PNOC: variants seen among roughly 807,000 people sequenced by gnomAD.
PNOC encodes nociceptin.
PNOC carries 10 observed loss-of-function variants against 15.6 expected under a neutral mutation model. The ratio of observed to expected loss-of-function variants is 0.64; its 90% CI spans 0.40 to 1.09. The LOEUF is 1.09. Ranked by LOEUF, PNOC falls within the 50% of genes least tolerant of loss-of-function variation. PNOC has a pLI of 0.01. For missense variants in PNOC, 220 were observed against 223.9 expected, an observed-to-expected ratio of 0.98 and a Z score of 0.11; for synonymous variants, 98 against 88.5, an observed-to-expected ratio of 1.11 and a Z score of -0.60.
chr8:28,338,877 A>C (rs1003476456), intron 2 of PNOC, 163 bp from the exon 3 acceptor site: 1 of 1,028,812 alleles, frequency 9.7e-7, no homozygotes, highest in East Asian at 2.7e-5. Flanking sequence ...CCAATTCTGA[A>C]ATTCTACGAA....
Position 28,339,127 on chromosome 8 carries a change from C to T in PNOC, c.214C>T (p.Leu72Phe). ...TKVMARSSWQ[L>F]SPAAPEHVAA... Reference sequence around the variant, plus strand: ...GGTCATGGCCAGGAGCTCTTGGCAGCTCAGCCCTGCCGCCCCAGAGCATGT... The same window carrying T: ...GGTCATGGCCAGGAGCTCTTGGCAGTTCAGCCCTGCCGCCCCAGAGCATGT... The change falls in exon 3 of 4, where the codon CTC becomes TTC. Residue 72 changes from leucine (L) to phenylalanine (F), a missense_variant. Transcript: ENST00000301908. 6.2e-7 allele frequency: 1 copy of T among 1,612,774 alleles called. No individual in the cohort carries two copies.
At chr8:28,321,582 CAA>C (rs2129845429) in intron 1 of PNOC, among the ~76,000 whole-genome samples, 1 of 152,240 alleles carries the variant, frequency 6.6e-6, no homozygotes, top group South Asian at 2.1e-4. Context: ...CAGGAAAGGA[CAA>C]ATATCTGGCC....
At chr8:28,337,374 A>C (rs1801428357) in intron 2 of PNOC, among the ~76,000 whole-genome samples, 1 of 152,106 alleles carries the variant, frequency 6.6e-6, no homozygotes. Flanking sequence ...ATGATAGCTC[A>C]CCGCAACCTC....
At chr8:28,321,129 C>A (rs1188572765) in intron 1 of PNOC, among the ~76,000 whole-genome samples, 1 of 151,982 alleles carries the variant, frequency 6.6e-6, no homozygotes, top group African/African-American at 2.4e-5. Flanking sequence ...GACTCAACCT[C>A]CTGGGCCCAA....
At chr8:28,337,926 C>T (rs947732762) in intron 2 of PNOC, among the ~76,000 whole-genome samples, 5 of 152,158 alleles carry the variant, frequency 3.3e-5, no homozygotes, top group African/African-American at 1.2e-4. Context: ...CTACTTATGG[C>T]TCCAAGGAAG....
At chr8:28,330,397 T>TTTTATTTTATTTTTTTTATTTTTA (rs1491220831) in intron 2 of PNOC, among the ~76,000 whole-genome samples, 27 of 80,796 alleles carry the variant, frequency 3.3e-4, no homozygotes, top group African/African-American at 9.8e-4. Context: ...TTTTATTTTA[T>TTTTATTTTATTTTTTTTATTTTTA]TTTTTTTTTT....
In PNOC at chr8:28,343,006, T is replaced by G; in HGVS notation, c.*112T>G. 1 of 985,412 alleles carries G rather than the reference T, an allele frequency of 1.0e-6. No individual in the cohort carries two copies. Among genetic ancestry groups the G allele is most frequent in the Non-Finnish European group, 1.2e-6 (1 of 829,878 alleles). 61.0% of individuals were successfully genotyped at this position (985,412 alleles called of 1,614,324 possible). On this transcript the variant is annotated 3_prime_UTR_variant, in exon 4 of 4. Transcript: ENST00000301908. Reference sequence around the variant, plus strand: ...AGACCTGCCGCCTGGGAATCAGGATTCCTTCTTCCCCAAGGCACTGAGCGC... The same window carrying G: ...AGACCTGCCGCCTGGGAATCAGGATGCCTTCTTCCCCAAGGCACTGAGCGC...
intron 1 of PNOC, 27 bp from the exon 2 acceptor site, chr8:28,329,108 C>A (rs1801278915): frequency 6.2e-7 from 1 of 1,609,108 alleles, no homozygotes; most frequent in Admixed American, 1.7e-5. Flanking sequence ...TGGCTGTACT[C>A]ATTGCCATGC....
chr8:28,323,558 T>C (rs900503910), intron 1 of PNOC, among the ~76,000 whole-genome samples: 11 of 152,236 alleles, frequency 7.2e-5, no homozygotes, highest in Non-Finnish European at 1.6e-4. Flanking sequence ...ACAACAAACC[T>C]GTTATTATCC....
chr8:28,342,070 C>A (rs945465180), intron 3 of PNOC, among the ~76,000 whole-genome samples: 1 of 152,150 alleles, frequency 6.6e-6, no homozygotes, highest in African/African-American at 2.4e-5. Context: ...CAGGGCCGGG[C>A]GCGGTAGCTC....
intron 2 of PNOC, among the ~76,000 whole-genome samples, chr8:28,338,246 G>A (rs2280928): frequency 0.3 from 45,783 of 152,036 alleles, 7,355 homozygotes; most frequent in Admixed American, 0.43. Context: ...GAACGTGGGA[G>A]GTGGGGGGCC....
chr8:28,320,633 A>G (rs1027195977), intron 1 of PNOC, among the ~76,000 whole-genome samples: 1 of 152,090 alleles, frequency 6.6e-6, no homozygotes, highest in African/African-American at 2.4e-5. Flanking sequence ...GGCAGATCAC[A>G]AGGTCAGGAG....
chr8:28,321,050 T>G (rs1357864903), intron 1 of PNOC, among the ~76,000 whole-genome samples: 1 of 152,108 alleles, frequency 6.6e-6, no homozygotes, highest in Non-Finnish European at 1.5e-5. Context: ...GTTGTTGTTG[T>G]TGTTTACAGA....
At chr8:28,337,287 C>T (rs560950597) in intron 2 of PNOC, among the ~76,000 whole-genome samples, 1 of 151,326 alleles carries the variant, frequency 6.6e-6, no homozygotes, top group Non-Finnish European at 1.5e-5. Context: ...TCTTGGAAAC[C>T]CCATCTGATG....
intron 3 of PNOC, among the ~76,000 whole-genome samples, 175 bp from the exon 4 acceptor site, chr8:28,342,767 T>A (rs1346122260): frequency 6.6e-6 from 1 of 152,136 alleles, no homozygotes; most frequent in Non-Finnish European, 1.5e-5. Context: ...GACCCGGGGC[T>A]GGGGGAGCAG....
intron 1 of PNOC, among the ~76,000 whole-genome samples, chr8:28,321,126 C>T (rs2129843604): frequency 6.6e-6 from 1 of 152,054 alleles, no homozygotes; most frequent in East Asian, 1.9e-4. Flanking sequence ...GCAGACTCAA[C>T]CTCCTGGGCC....
chr8:28,323,902 A>T (rs1278980705), intron 1 of PNOC, among the ~76,000 whole-genome samples: 1 of 152,238 alleles, frequency 6.6e-6, no homozygotes, highest in African/African-American at 2.4e-5. Flanking sequence ...AAAGCTTGCA[A>T]GCCACCTGTA....
intron 2 of PNOC, among the ~76,000 whole-genome samples, chr8:28,330,463 C>T (rs1411312557): frequency 1.5e-5 from 2 of 137,720 alleles, no homozygotes; most frequent in African/African-American, 5.3e-5. Flanking sequence ...GGCGCAACCT[C>T]GGCTCACTGC....
chr8:28,340,042 T>C (rs1360751883), intron 3 of PNOC: 1 of 152,196 alleles, frequency 6.6e-6, no homozygotes, highest in African/African-American at 2.4e-5. Context: ...CCTGTTAAGA[T>C]TAGGAGTTGT....
Sources: gnomAD v4.1 joint callset for allele counts (sites outside exome capture counted in the v4.1 genomes callset) on GRCh38, gnomAD v4.1.1 for gene constraint, MANE v1.5 for transcripts, NCBI Gene and HGNC (gene_info 2026-07-23, HGNC 2026-07-21) for gene names.